The following DNAH10 variants were observed in gnomAD, a reference collection of about 807,000 sequenced individuals.
DNAH10 encodes the protein dynein axonemal heavy chain 10.
In DNAH10, 348 loss-of-function variants were observed where a neutral mutation model predicts 506.6. That is an observed-to-expected ratio of 0.69 (90% CI 0.63 to 0.75). DNAH10 has a LOEUF of 0.75. DNAH10 is among the 30% of genes least tolerant of loss of function. DNAH10 has a pLI of 0.00. For synonymous variants in DNAH10, 2,059 were observed against 2,198.6 expected, an observed-to-expected ratio of 0.94 and a Z score of 1.78; for missense variants, 5,179 against 5,787.1, an observed-to-expected ratio of 0.89 and a Z score of 3.41.
chr12:123,856,697 A>G (rs1383106908), intron 36 of DNAH10, among the ~76,000 whole-genome samples: 1 of 148,528 alleles, frequency 6.7e-6, no homozygotes, highest in East Asian at 1.9e-4. Flanking sequence ...TATATTTTAT[A>G]TTTTATGTTT....
chr12:123,767,665 G>A lies in DNAH10; in HGVS notation c.274G>A (p.Val92Met), dbSNP rs757599260. Residue 92 changes from valine (V) to methionine (M), a missense_variant, in exon 2 of 79, where the codon GTG (valine) becomes ATG (methionine). This residue lies in a region of DNAH10 where 326 missense variants were observed against 330.8 expected (regional missense o/e 0.99). Coordinates refer to ENST00000673944, the MANE Select transcript of DNAH10 (RefSeq NM_001372106.1). ...GGAAGAAGAGACTTATTCTCAAAAAGTGGAGTCCGTGGATAAAGTGCGAGG... is the reference window on the plus strand; with the variant it reads ...GGAAGAAGAGACTTATTCTCAAAAAATGGAGTCCGTGGATAAAGTGCGAGG... ...EEEEETYSQK[V>M]ESVDKVRAKR... The A allele has an allele frequency of 3.7e-6, 6 of 1,612,116 alleles. No homozygotes were observed. The highest frequency in any genetic ancestry group is 5.1e-6 in the Non-Finnish European group (6 of 1,179,096).
Position 123,786,052 on chromosome 12 carries a change from C to T in DNAH10, c.1421+116C>T, listed in dbSNP as rs1460135862. On this transcript the variant is annotated intron_variant, in intron 9 of 78. Coordinates refer to ENST00000673944, the MANE Select transcript of DNAH10 (RefSeq NM_001372106.1). ...ATATAATTCTCTTACTTAAAATGTA[C>T]AATTCACTGGCTCTTATGGCTGGGC... The T allele has an allele frequency of 3.4e-6, 4 of 1,192,412 alleles. No individual in the cohort carries two copies. The Admixed American group carries it at 7.7e-5, about 23-fold the overall frequency. 73.9% of individuals were successfully genotyped at this position (1,192,412 alleles called of 1,614,324 possible). A position where few individuals can be genotyped will look rare whatever the true frequency, so the allele number is the denominator to read the frequency against.
In DNAH10 at chr12:123,915,872, T is replaced by TG. The variant is rs1194922550; in HGVS notation, c.10723-581dup. ...TGTGGCCATGTGTTTTCAGTTCTCTTGGGGCGATACCTAGGAATGGAATTG... is the reference window on the plus strand; with the variant it reads ...TGTGGCCATGTGTTTTCAGTTCTCTTGGGGGCGATACCTAGGAATGGAATTG... On this transcript the variant is annotated intron_variant, in intron 62 of 78. Coordinates refer to ENST00000673944, the MANE Select transcript of DNAH10 (RefSeq NM_001372106.1). Among the ~76,000 whole-genome samples the TG allele has an allele frequency of 2.0e-5, 3 of 152,362 alleles. No individual in the cohort carries two copies. In the East Asian group the frequency reaches 5.8e-4, roughly 29 times the overall value.
intron 28 of DNAH10, 107 bp downstream of exon 28, chr12:123,835,635 A>C: frequency 1.0e-5 from 15 of 1,442,682 alleles, no homozygotes; most frequent in Middle Eastern, 2.4e-4. Context: ...CTTCTCTCTC[A>C]TTTTTTAGAG....
Position 123,857,080 on chromosome 12 carries a change from C to T in DNAH10, c.6463C>T (p.Arg2155Ter), listed in dbSNP as rs762874547. Residue 2155 changes from arginine to a stop codon, truncating the protein, a stop_gained, in exon 37 of 79, where the codon CGA (arginine) becomes TGA (stop). Transcript: ENST00000673944. LOFTEE classifies it high-confidence loss of function. ...REDVVLMRALRDMNLPKFVFE... is the reference protein window; with the variant it reads ...REDVVLMRAL The stretch of plus-strand genomic sequence containing the variant: ...GGACGTGGTGCTGATGAGGGCCTTG[C>T]GAGACATGAACTTGCCCAAATTTGT... The T allele has an allele frequency of 1.3e-5, 21 of 1,612,198 alleles. No homozygotes were observed. Among genetic ancestry groups the T allele is most frequent in the South Asian group, 4.4e-5 (4 of 90,648 alleles).
At chr12:123,820,802 G>A (rs754660213) in intron 24 of DNAH10, 44 bp downstream of exon 24, 66 of 1,599,936 alleles carry the variant, frequency 4.1e-5, no homozygotes, top group Middle Eastern at 1.7e-4. Flanking sequence ...TCACTGAAGG[G>A]GATGTAGGAA....
chr12:123,866,487 C>T (rs914722799), intron 41 of DNAH10, among the ~76,000 whole-genome samples: 2 of 151,990 alleles, frequency 1.3e-5, no homozygotes, highest in African/African-American at 4.8e-5. Context: ...TCGTGATCTG[C>T]CCGCCTCAGC....
chr12:123,905,971 G>A (rs1166771140), intron 57 of DNAH10, among the ~76,000 whole-genome samples: 4 of 151,826 alleles, frequency 2.6e-5, no homozygotes, highest in Non-Finnish European at 5.9e-5. Flanking sequence ...AGGCTGGAGT[G>A]CAGTGGCACG....
At chr12:123,856,181 GAT>G (rs1176406235) in intron 36 of DNAH10, among the ~76,000 whole-genome samples, 1 of 145,134 alleles carries the variant, frequency 6.9e-6, no homozygotes, top group Non-Finnish European at 1.5e-5. Flanking sequence ...TTATATGAAT[GAT>G]ATAAAATATA....
chr12:123,774,070 G>A, intron 4 of DNAH10, 79 bp from the exon 5 acceptor site: 1 of 892,940 alleles, frequency 1.1e-6, no homozygotes, highest in Admixed American at 2.5e-5. Context: ...AGAAGGAGAA[G>A]ATTCCTGTTC....
intron 5 of DNAH10, among the ~76,000 whole-genome samples, chr12:123,775,809 G>A (rs1957417862): frequency 6.6e-6 from 1 of 152,308 alleles, no homozygotes; most frequent in South Asian, 2.1e-4. Context: ...CCCAGGTGGA[G>A]GGCTGTATTA....
chr12:123,828,210 C>G lies in DNAH10; in HGVS notation c.4391+1312C>G, dbSNP rs78691110. On this transcript the variant is annotated intron_variant, in intron 25 of 78. Coordinates refer to ENST00000673944, the MANE Select transcript of DNAH10 (RefSeq NM_001372106.1). ...AAAAAAAAAACTAGCTCAAAACAGT[C>G]GCCTGTCTCTGAGCCAGAGACCTTC... Among the ~76,000 whole-genome samples, 5 of 151,358 alleles carry G rather than the reference C, an allele frequency of 3.3e-5. No homozygotes were observed. In the South Asian group the frequency reaches 1.0e-3, roughly 32 times the overall value.
In DNAH10 at chr12:123,894,693, G is replaced by A; in HGVS notation, c.9250G>A (p.Ala3084Thr). 6.2e-7 allele frequency: 1 copy of A among 1,613,990 alleles called. No homozygotes were observed. The highest frequency in any genetic ancestry group is 8.5e-7 in the Non-Finnish European group (1 of 1,179,892). Residue 3084 changes from alanine to threonine, a missense_variant, in exon 54 of 79, where the codon GCC becomes ACC. This residue lies in a region of DNAH10 where 4,844 missense variants were observed against 5,430.5 expected (regional missense o/e 0.89). Transcript: ENST00000673944. ...IDWFMPWPPQ[A>T]LHAVAKSFLG... ...CTGGTTCATGCCCTGGCCTCCCCAAGCCCTCCATGCGGTCGCAAAGTCCTT... is the reference window on the plus strand; with the variant it reads ...CTGGTTCATGCCCTGGCCTCCCCAAACCCTCCATGCGGTCGCAAAGTCCTT...
intron 13 of DNAH10, 57 bp from the exon 14 acceptor site, chr12:123,799,189 G>GGTGGA: frequency 2.5e-6 from 3 of 1,220,156 alleles, no homozygotes; most frequent in South Asian, 4.1e-5. Context: ...TGTGTAGAGC[G>GGTGGA]AGATGAAAAA....
chr12:123,767,745 G>A (rs957336155), intron 2 of DNAH10, 56 bp downstream of exon 2: 29 of 1,474,914 alleles, frequency 2.0e-5, no homozygotes, highest in African/African-American at 1.5e-4. Flanking sequence ...CCCCCGCAGC[G>A]GGAGTAGGGT....
intron 41 of DNAH10, among the ~76,000 whole-genome samples, chr12:123,867,111 G>A (rs192286641): frequency 6.6e-6 from 1 of 152,356 alleles, no homozygotes; most frequent in East Asian, 1.9e-4. Flanking sequence ...TGCTTTGATA[G>A]GGAGGGGACC....
intron 10 of DNAH10, among the ~76,000 whole-genome samples, chr12:123,788,987 C>T (rs760542958): frequency 4.6e-5 from 7 of 151,594 alleles, no homozygotes; most frequent in Non-Finnish European, 7.4e-5. Flanking sequence ...CGGTGGCTCA[C>T]GCCTGTAATC....
chr12:123,832,782 C>A (rs940895881), intron 26 of DNAH10, among the ~76,000 whole-genome samples: 1 of 152,122 alleles, frequency 6.6e-6, no homozygotes, highest in Non-Finnish European at 1.5e-5. Flanking sequence ...GGGGTTTAGA[C>A]CCTGTTTCTG....
chr12:123,924,026 C>G, intron 66 of DNAH10, 159 bp downstream of exon 66: 3 of 733,938 alleles, frequency 4.1e-6, no homozygotes, highest in Non-Finnish European at 6.5e-6. Flanking sequence ...ATTCCAGCCT[C>G]AGAAATGGCT....
Sources: allele counts gnomAD v4.1 joint callset (sites outside exome capture counted in the v4.1 genomes callset), GRCh38; gene constraint gnomAD v4.1.1; regional missense constraint gnomAD v4.1.1; transcripts MANE v1.5; gene names NCBI Gene and HGNC (gene_info 2026-07-23, HGNC 2026-07-21).